Variants in DOCK9 observed in about 807,000 individuals in gnomAD.
The protein encoded by DOCK9 is dedicator of cytokinesis 9, also known as dedicator of cytokinesis protein 9.
A neutral mutation model predicts 263.3 loss-of-function variants in DOCK9; 89 were observed. The ratio of observed to expected loss-of-function variants is 0.34; its 90% CI spans 0.28 to 0.40. The LOEUF is 0.40. Among genes scored for constraint, DOCK9 ranks in the 10% least tolerant of loss-of-function variants. DOCK9 has a pLI of 1.00. For synonymous variants in DOCK9, 976 were observed against 973.1 expected (o/e 1.00, Z -0.06); for missense variants, 2,140 against 2,603.4 (o/e 0.82, Z 3.87).
chr13:98,916,188 T>C (rs1433454136), intron 7 of DOCK9, among the ~76,000 whole-genome samples: 1 of 152,240 alleles, frequency 6.6e-6, no homozygotes, highest in Non-Finnish European at 1.5e-5. Context: ...ATCTCGGTAC[T>C]ACTGACACTT....
At chr13:98,876,890 T>C (rs1276432790) in intron 27 of DOCK9, among the ~76,000 whole-genome samples, 1 of 152,238 alleles carries the variant, frequency 6.6e-6, no homozygotes, top group African/African-American at 2.4e-5. Flanking sequence ...TCTCTTTTTA[T>C]AGTAAATTAT....
At chr13:98,960,041 G>A (rs1294777434) in intron 1 of DOCK9, among the ~76,000 whole-genome samples, 1 of 152,144 alleles carries the variant, frequency 6.6e-6, no homozygotes, top group African/African-American at 2.4e-5. Flanking sequence ...ACAGCAAAAT[G>A]ACATAGGCTA....
chr13:98,824,514 G>C lies in DOCK9; in HGVS notation c.5024-10C>G, dbSNP rs1353189311. On this transcript the variant is annotated splice_polypyrimidine_tract_variant and intron_variant, in intron 44 of 52. Transcript: ENST00000682017. ...CCTTGTCTAAACACGCCTAGGAAGA[G>C]AGGAAGGAGGGACAGTCAGAGTTAG... 2 of 1,612,364 alleles carry C rather than the reference G, an allele frequency of 1.2e-6. No homozygotes were observed. Among genetic ancestry groups the C allele is most frequent in the East Asian group, 2.2e-5 (1 of 44,856 alleles).
intron 9 of DOCK9, among the ~76,000 whole-genome samples, chr13:98,906,177 C>T (rs1185637454): frequency 6.6e-6 from 1 of 152,084 alleles, no homozygotes; most frequent in Non-Finnish European, 1.5e-5. Context: ...AGGGATGAAA[C>T]TTAAGCGCAA....
chr13:98,885,075 G>T lies in DOCK9; in HGVS notation c.2278C>A (p.Pro760Thr). ...ACCACCCTTCCGTCTTTCAGGAGGG[G>T]AAGCCAGGAGTAGCCAACTGTTGAA... is the stretch of plus-strand genomic sequence containing the variant. ...VETQVGYSWL[P>T]LLKDGRVVTS... Residue 760 changes from proline to threonine, a missense_variant, in exon 21 of 53, where the codon CCC becomes ACC. Pro to Thr is a conservative substitution (Grantham distance 38). Around this residue, in one of 2 missense-constraint regions of DOCK9, gnomAD observed 1,521 missense variants for 1,741.7 expected, o/e 0.87. Transcript: ENST00000682017. 6.2e-7 allele frequency: 1 copy of T among 1,613,664 alleles called. No homozygotes were observed. Among genetic ancestry groups the T allele is most frequent in the Admixed American group, 1.7e-5 (1 of 59,972 alleles).
intron 1 of DOCK9, among the ~76,000 whole-genome samples, chr13:99,014,969 C>A (rs1037509983): frequency 7.2e-5 from 11 of 152,174 alleles, no homozygotes; most frequent in African/African-American, 1.9e-4. Context: ...GTCTCATACC[C>A]ATCATAGTTT....
At chr13:98,869,977 T>C (rs561798495) in intron 27 of DOCK9, among the ~76,000 whole-genome samples, 5 of 152,362 alleles carry the variant, frequency 3.3e-5, no homozygotes, top group African/African-American at 1.2e-4. Flanking sequence ...CTTGGGGAAC[T>C]AGCTGCCCTG....
At chr13:98,826,213 C>A (rs1034928134) in intron 44 of DOCK9, among the ~76,000 whole-genome samples, 2 of 152,148 alleles carry the variant, frequency 1.3e-5, no homozygotes, top group Non-Finnish European at 2.9e-5. Flanking sequence ...TTTCTAAGAA[C>A]CTCAGTATTC....
chr13:99,066,416 C>G (rs1027130534), intron 1 of DOCK9, among the ~76,000 whole-genome samples: 1 of 152,162 alleles, frequency 6.6e-6, no homozygotes, highest in Non-Finnish European at 1.5e-5. Flanking sequence ...TAGAACTCCA[C>G]AAAAACTGGT....
chr13:98,838,527 T>C (rs1389229141), intron 38 of DOCK9, among the ~76,000 whole-genome samples: 1 of 152,212 alleles, frequency 6.6e-6, no homozygotes, highest in African/African-American at 2.4e-5. Context: ...GAAAAGGACT[T>C]GAAGAATCTG....
In DOCK9 at chr13:98,999,316, A is replaced by ACACACACACACACACACACACTCTCT; in HGVS notation, c.130-43766_130-43765insAGAGAGTGTGTGTGTGTGTGTGTGTG. On this transcript the variant is annotated intron_variant, in intron 1 of 32. Coordinates refer to the DOCK9 transcript ENST00000427887. ...CACACACACACACACACACACACACACTCTCTCTCTCTCTCTCTCTGGAAG... is the reference window on the plus strand; with the variant it reads ...CACACACACACACACACACACACACACACACACACACACACACACACTCTCTCTCTCTCTCTCTCTCTCTCTGGAAG... Among the ~76,000 whole-genome samples, 496 of 138,290 alleles carry ACACACACACACACACACACACTCTCT rather than the reference A, an allele frequency of 3.6e-3. 7 individuals carry two copies. The highest frequency in any genetic ancestry group is 0.019 in the South Asian group (69 of 3,690). The allele number at this position is 138,290 out of a possible 152,430, so 90.7% of individuals were successfully genotyped here.
At chr13:99,028,166 G>A (rs1366930024) in intron 1 of DOCK9, among the ~76,000 whole-genome samples, 2 of 152,184 alleles carry the variant, frequency 1.3e-5, no homozygotes, top group African/African-American at 4.8e-5. Flanking sequence ...AGGCAGCAAT[G>A]TTTCCAGTGA....
intron 1 of DOCK9, among the ~76,000 whole-genome samples, chr13:99,025,938 G>A (rs748490701): frequency 2.0e-4 from 31 of 152,174 alleles, no homozygotes; most frequent in Non-Finnish European, 4.1e-4. Context: ...CCCGCATAAG[G>A]ATCACATAGT....
At chr13:98,868,107 G>C (rs1029765916) in intron 28 of DOCK9, 96 bp from the exon 29 acceptor site, 19 of 1,527,658 alleles carry the variant, frequency 1.2e-5, no homozygotes, top group Non-Finnish European at 1.7e-5. Context: ...TTTATCCACT[G>C]ACATAAAAAA....
intron 1 of DOCK9, among the ~76,000 whole-genome samples, chr13:99,058,265 A>G (rs1303505649): frequency 6.6e-6 from 1 of 151,856 alleles, no homozygotes; most frequent in Non-Finnish European, 1.5e-5. Context: ...CCCAGGTTCA[A>G]GTGATTCTCC....
intron 13 of DOCK9, among the ~76,000 whole-genome samples, chr13:98,898,519 C>T (rs191509423): frequency 5.5e-4 from 84 of 152,290 alleles, no homozygotes; most frequent in African/African-American, 1.8e-3. Context: ...TTGGTCTTTA[C>T]GGGCAACAAA....
chr13:98,860,792 G>T (rs12583349), intron 32 of DOCK9, among the ~76,000 whole-genome samples: 8,920 of 152,150 alleles, frequency 0.059, 672 homozygotes, highest in African/African-American at 0.17. Flanking sequence ...CCCCAGCGTT[G>T]CTAACACCTT....
chr13:98,822,950 C>T (rs1378467713), intron 45 of DOCK9, among the ~76,000 whole-genome samples: 5 of 151,902 alleles, frequency 3.3e-5, no homozygotes, highest in African/African-American at 4.8e-5. Flanking sequence ...AAGACCCCTT[C>T]GTAGATTTTA....
intron 15 of DOCK9, among the ~76,000 whole-genome samples, chr13:98,893,825 G>C (rs1357217834): frequency 6.6e-6 from 1 of 152,158 alleles, no homozygotes; most frequent in African/African-American, 2.4e-5. Flanking sequence ...AAGAATACGG[G>C]GAGTGGGCAC....
Sources: allele counts gnomAD v4.1 joint callset (sites outside exome capture counted in the v4.1 genomes callset), GRCh38; gene constraint gnomAD v4.1.1; regional missense constraint gnomAD v4.1.1; transcripts MANE v1.5; gene names NCBI Gene and HGNC (gene_info 2026-07-23, HGNC 2026-07-21).